GPHN: variants seen among roughly 807,000 people sequenced by gnomAD.
GPHN encodes gephyrin.
In GPHN, 17 loss-of-function variants were observed where a neutral mutation model predicts 95.5. That is an observed-to-expected ratio of 0.18 (90% CI 0.12 to 0.27). The LOEUF (loss-of-function observed/expected upper bound fraction) is 0.27. GPHN is among the 10% of genes least tolerant of loss of function. The probability of loss-of-function intolerance (pLI) is 1.00; values close to 1 mark genes in which losing one functional copy is unlikely to be tolerated. For synonymous variants in GPHN, 320 were observed against 322.5 expected, an observed-to-expected ratio of 0.99 and a Z score of 0.08; for missense variants, 660 against 978.1, an observed-to-expected ratio of 0.67 and a Z score of 4.34.
chr14:67,222,104 C>CCA, the GPHN span: 2 of 318,952 alleles, frequency 6.3e-6, no homozygotes, highest in Non-Finnish European at 1.1e-5. Flanking sequence ...CAAGCATAAA[C>CCA]CACGCCAAGC....
intron 2 of GPHN, among the ~76,000 whole-genome samples, chr14:66,686,513 T>C (rs1245529872): frequency 6.6e-6 from 1 of 152,224 alleles, no homozygotes; most frequent in South Asian, 2.1e-4. Flanking sequence ...TTTGTAGCAA[T>C]TGTGAATGGG....
intron 1 of GPHN, among the ~76,000 whole-genome samples, chr14:66,630,948 A>G (rs2063774242): frequency 6.6e-6 from 1 of 151,650 alleles, no homozygotes; most frequent in Non-Finnish European, 1.5e-5. Flanking sequence ...TGTTTACATG[A>G]TCCCCTCTTA....
chr14:66,798,021 C>T (rs1245401103), intron 3 of GPHN, among the ~76,000 whole-genome samples: 1 of 151,662 alleles, frequency 6.6e-6, no homozygotes, highest in African/African-American at 2.4e-5. Flanking sequence ...TTTTTGATGG[C>T]TTTTATCACA....
chr14:67,595,258 T>C, the GPHN span, among the ~76,000 whole-genome samples: 2 of 152,234 alleles, frequency 1.3e-5, no homozygotes, highest in African/African-American at 2.4e-5. Flanking sequence ...ATTTATTCAA[T>C]GCTATACTTA....
chr14:67,127,968 T>G (rs1008389264), intron 17 of GPHN, among the ~76,000 whole-genome samples: 7 of 152,334 alleles, frequency 4.6e-5, no homozygotes, highest in African/African-American at 1.7e-4. Flanking sequence ...TTAGGCCTCT[T>G]TACCACAATT....
chr14:66,984,288 A>T (rs2070876788), intron 9 of GPHN, among the ~76,000 whole-genome samples: 6 of 152,210 alleles, frequency 3.9e-5, no homozygotes, highest in African/African-American at 1.4e-4. Flanking sequence ...GGATGAGCAG[A>T]TATTATGAAC....
chr14:66,546,198 C>T (rs2140125113), intron 1 of GPHN, among the ~76,000 whole-genome samples: 1 of 151,922 alleles, frequency 6.6e-6, no homozygotes, highest in East Asian at 1.9e-4. Flanking sequence ...GCGCTCCTCA[C>T]TTCCTAGATG....
At chr14:67,726,040 G>A in the GPHN span, 4 of 1,591,334 alleles carry the variant, frequency 2.5e-6, no homozygotes, top group Non-Finnish European at 3.5e-6. Flanking sequence ...CTCTTTGGTT[G>A]TGCCCTATAG....
At chr14:66,528,424 A>T in intron 1 of GPHN, among the ~76,000 whole-genome samples, 1 of 152,132 alleles carries the variant, frequency 6.6e-6, no homozygotes, top group East Asian at 1.9e-4. Flanking sequence ...CCAATGTGGC[A>T]GTCTGTGTCT....
At chr14:67,029,988 CT>C (rs10561726) in intron 10 of GPHN, among the ~76,000 whole-genome samples, 4,026 of 129,806 alleles carry the variant, frequency 0.031, 109 homozygotes, top group African/African-American at 0.084. Flanking sequence ...TTTGGTAGCT[CT>C]TTTTTTTTTT....
At position 66,924,253 on chromosome 14, in the gene GPHN, T is replaced by A. The variant is rs1460412278; in HGVS notation, c.789T>A (p.Pro263=). The A allele has an allele frequency of 6.2e-7, 1 of 1,611,374 alleles. No homozygotes were observed. Among genetic ancestry groups the A allele is most frequent in the Non-Finnish European group, 8.5e-7 (1 of 1,177,612 alleles). ...TGGCACACGGTGAACAGCCCATCCCTGGTCTCATCAATTATTCCCATCATT... is the reference window on the plus strand; with the variant it reads ...TGGCACACGGTGAACAGCCCATCCCAGGTCTCATCAATTATTCCCATCATT... The part of the protein sequence containing the change: ...VVMAHGEQPI[P]GLINYSHHST... Residue 263 remains proline (P), a synonymous_variant, in exon 8 of 23, where the codon CCT becomes CCA. Coordinates refer to ENST00000478722, the MANE Select transcript of GPHN (RefSeq NM_020806.5).
chr14:66,540,863 TC>T (rs1257966369), intron 1 of GPHN, among the ~76,000 whole-genome samples: 5 of 151,554 alleles, frequency 3.3e-5, no homozygotes, highest in Non-Finnish European at 5.9e-5. Context: ...AGCCTCCACT[TC>T]CTGGGTTCAA....
At chr14:66,511,192 T>C (rs371579104) in intron 1 of GPHN, among the ~76,000 whole-genome samples, 54 of 152,266 alleles carry the variant, frequency 3.5e-4, no homozygotes, top group African/African-American at 1.2e-3. Flanking sequence ...ATATACCATA[T>C]GATTTGGGGG....
At chr14:67,055,552 G>A (rs1365219829) in intron 10 of GPHN, among the ~76,000 whole-genome samples, 2 of 152,152 alleles carry the variant, frequency 1.3e-5, no homozygotes, top group African/African-American at 2.4e-5. Context: ...CCATTACTGG[G>A]TATATACCCA....
At chr14:66,725,072 C>A (rs920087035) in intron 2 of GPHN, among the ~76,000 whole-genome samples, 1 of 152,110 alleles carries the variant, frequency 6.6e-6, no homozygotes, top group Non-Finnish European at 1.5e-5. Context: ...TGCAATAGGA[C>A]GGTGGCCTTA....
At chr14:67,166,773 C>T (rs1181986619) in intron 20 of GPHN, among the ~76,000 whole-genome samples, 4 of 152,112 alleles carry the variant, frequency 2.6e-5, no homozygotes, top group Non-Finnish European at 5.9e-5. Context: ...AGGCTCAAGC[C>T]GTTCTCCCAC....
chr14:67,303,699 A>AATAGAG, the GPHN span: 82,269 of 782,576 alleles, frequency 0.11, 10,912 homozygotes, highest in East Asian at 0.41. Context: ...CCTGTACTCA[A>AATAGAG]ATAAATTCAA....
At chr14:67,426,164 C>T in the GPHN span, among the ~76,000 whole-genome samples, 4 of 152,086 alleles carry the variant, frequency 2.6e-5, no homozygotes, top group Non-Finnish European at 5.9e-5. Flanking sequence ...TTCAGTATGA[C>T]TCTCAGATTA....
Position 66,769,548 on chromosome 14 carries a change from C to T in GPHN, c.144-6916C>T, listed in dbSNP as rs567556840. Among the ~76,000 whole-genome samples the T allele has an allele frequency of 2.6e-5, 4 of 152,206 alleles. No homozygotes were observed. The South Asian group carries it at 6.2e-4, about 24-fold the overall frequency. ...GTGTTCATGTGTTCTCATCATTTAG[C>T]TCCTGCTTATAAATTAGAACATGTG... On this transcript the variant is annotated intron_variant, in intron 2 of 22. Coordinates refer to ENST00000478722, the MANE Select transcript of GPHN (RefSeq NM_020806.5).
Sources: allele counts gnomAD v4.1 joint callset (sites outside exome capture counted in the v4.1 genomes callset), GRCh38; gene constraint gnomAD v4.1.1; transcripts MANE v1.5; gene names NCBI Gene and HGNC (gene_info 2026-07-23, HGNC 2026-07-21).